Variants in TF observed in about 807,000 individuals in gnomAD.
TF encodes the protein transferrin.
Under a neutral mutation model 82.4 loss-of-function variants are expected in TF, and 55 were observed. The ratio of observed to expected loss-of-function variants is 0.67; its 90% confidence interval spans 0.54 to 0.84. The LOEUF (loss-of-function observed/expected upper bound fraction) is 0.84, where lower values mean the gene tolerates loss of function less well. Ranked by LOEUF, TF falls within the 40% of genes least tolerant of loss-of-function variation. The pLI, the probability that TF is intolerant of heterozygous loss-of-function variation, is 0.00. For synonymous variants in TF, 332 were observed against 332.6 expected (o/e 1.00, Z 0.02); for missense variants, 737 against 868.4 (o/e 0.85, Z 1.90).
the TF span, among the ~76,000 whole-genome samples, chr3:133,732,393 C>A: frequency 6.6e-6 from 1 of 152,154 alleles, no homozygotes; most frequent in East Asian, 1.9e-4. Flanking sequence ...CTCTGTAAAA[C>A]GGACCAATCA....
At chr3:133,695,471 C>G in the TF span, among the ~76,000 whole-genome samples, 1 of 152,106 alleles carries the variant, frequency 6.6e-6, no homozygotes, top group African/African-American at 2.4e-5. Context: ...TGGTCTTGAT[C>G]TCTTGACCTC....
chr3:133,688,841 G>A, the TF span, among the ~76,000 whole-genome samples: 14 of 152,028 alleles, frequency 9.2e-5, no homozygotes, highest in Non-Finnish European at 2.1e-4. Context: ...CAAGAGAAAT[G>A]TTGCTATAAT....
At chr3:133,682,841 C>T in the TF span, among the ~76,000 whole-genome samples, 1 of 152,122 alleles carries the variant, frequency 6.6e-6, no homozygotes, top group Admixed American at 6.5e-5. Flanking sequence ...CATTCAAATT[C>T]AGGAAATACA....
the TF span, among the ~76,000 whole-genome samples, chr3:133,675,289 G>A: frequency 4.0e-4 from 58 of 145,260 alleles, no homozygotes; most frequent in African/African-American, 1.4e-3. Context: ...AATCAAAAGA[G>A]CAATATATGT....
rs1186630412 is a variant in TF at position 133,790,035 on chromosome 3, G to A, written c.*11415G>A. On this transcript the variant is annotated 3_prime_UTR_variant, in exon 17 of 17. Coordinates refer to ENST00000402696, the MANE Select transcript of TF (RefSeq NM_001063.4). ...TGGCTATTCAAAATGTGGTTAACAG[G>A]GAAATAACTGACTTTAAAAGATAGT... The A allele has an allele frequency of 6.6e-6, 1 of 151,848 alleles. No homozygotes were observed. Among genetic ancestry groups the A allele is most frequent in the East Asian group, 1.9e-4 (1 of 5,190 alleles). 9.4% of individuals were successfully genotyped at this position (151,848 alleles called of 1,614,324 possible). A position where few individuals can be genotyped will look rare whatever the true frequency, so the allele number is the denominator to read the frequency against.
At chr3:133,762,400 G>T (rs1185822372) in intron 9 of TF, 2 of 152,536 alleles carry the variant, frequency 1.3e-5, no homozygotes, top group African/African-American at 4.8e-5. Flanking sequence ...CGCTTTCTTG[G>T]GTTATACCTA....
the TF span, among the ~76,000 whole-genome samples, chr3:133,731,822 AC>A: frequency 2.0e-5 from 3 of 152,248 alleles, no homozygotes; most frequent in African/African-American, 7.2e-5. Flanking sequence ...CAGTGGTCTA[AC>A]ATCCAAACCC....
chr3:133,731,195 C>T, the TF span, among the ~76,000 whole-genome samples: 58,373 of 151,824 alleles, frequency 0.38, 11,779 homozygotes, highest in South Asian at 0.5. Flanking sequence ...GCCCTAGGAG[C>T]ACTGGACTCT....
At chr3:133,753,834 G>A (rs1933743754) in intron 3 of TF, 131 bp downstream of exon 3, 5 of 804,704 alleles carry the variant, frequency 6.2e-6, no homozygotes, top group Middle Eastern at 2.6e-4. Flanking sequence ...TAGAGAATGA[G>A]GGGCCCTGTC....
the TF span, among the ~76,000 whole-genome samples, chr3:133,692,320 C>A: frequency 6.6e-6 from 1 of 152,236 alleles, no homozygotes; most frequent in Non-Finnish European, 1.5e-5. Flanking sequence ...GTGAGCACAG[C>A]TGGCCTCAGT....
In TF at chr3:133,768,151, A is replaced by G. The variant is rs756209771; in HGVS notation, c.1609A>G (p.Thr537Ala). 6.2e-7 allele frequency: 1 copy of G among 1,614,272 alleles called. No homozygotes were observed. The highest frequency in any genetic ancestry group is 1.1e-5 in the South Asian group (1 of 91,086). ...CAACAAAGAGGGATACTACGGCTAC[A>G]CAGGCGCTTTCAGGTGAGTCTTTTA... The part of the protein sequence containing the change: ...PNNKEGYYGY[T>A]GAFRCLVEKG... Residue 537 changes from threonine (T) to alanine (A), a missense_variant, in exon 13 of 17, where the codon ACA becomes GCA. By Grantham distance (58) the Thr-to-Ala change is moderately conservative (BLOSUM62 0). Coordinates refer to ENST00000402696, the MANE Select transcript of TF (RefSeq NM_001063.4).
chr3:133,766,091 A>G (rs1934119112), intron 11 of TF, among the ~76,000 whole-genome samples, 187 bp from the exon 12 acceptor site: 1 of 152,172 alleles, frequency 6.6e-6, no homozygotes, highest in Non-Finnish European at 1.5e-5. Flanking sequence ...TTTGTTTTTA[A>G]AGTTCAGATT....
At chr3:133,674,606 G>C in the TF span, among the ~76,000 whole-genome samples, 2 of 152,184 alleles carry the variant, frequency 1.3e-5, no homozygotes, top group Non-Finnish European at 2.9e-5. Flanking sequence ...CGGAGAATGA[G>C]GCTCGCTATC....
At chr3:133,743,029 CCT>C (rs1933422980), upstream of TF, among the ~76,000 whole-genome samples, 1 of 152,128 alleles carries the variant, frequency 6.6e-6, no homozygotes, top group Non-Finnish European at 1.5e-5. Flanking sequence ...CACCTCCCTC[CCT>C]CTCTTTCCTC....
chr3:133,692,738 T>C, the TF span: 3 of 152,286 alleles, frequency 2.0e-5, no homozygotes, highest in African/African-American at 7.2e-5. Context: ...ATATGGCATC[T>C]TCCTTTGGCC....
At chr3:133,677,516 G>A in the TF span, among the ~76,000 whole-genome samples, 151,226 of 152,084 alleles carry the variant, frequency 0.99, 75,192 homozygotes, top group East Asian at 1. Flanking sequence ...GGGCGCCTGC[G>A]ATCCCAGCTA....
the TF span, among the ~76,000 whole-genome samples, chr3:133,673,552 C>T: frequency 5.3e-5 from 8 of 152,278 alleles, no homozygotes; most frequent in South Asian, 4.1e-4. Flanking sequence ...CTATAAACAA[C>T]ATAGGTGAAT....
chr3:133,756,787 C>T lies in TF; in HGVS notation c.692-44C>T, dbSNP rs368866831. ...AATTTCAAGGATGGGCACCACAGCC[C>T]ATGGCTCTCCTGTGTTAAGCTCACC... is the stretch of plus-strand genomic sequence containing the variant. On this transcript the variant is annotated intron_variant, in intron 6 of 16. Coordinates refer to ENST00000402696, the MANE Select transcript of TF (RefSeq NM_001063.4). 15 of 1,612,126 alleles carry T rather than the reference C, an allele frequency of 9.3e-6. No individual in the cohort carries two copies. The African/African-American group carries it at 1.6e-4, about 17-fold the overall frequency.
chr3:133,676,620 T>C, the TF span, among the ~76,000 whole-genome samples: 2 of 152,132 alleles, frequency 1.3e-5, no homozygotes, highest in Admixed American at 1.3e-4. Flanking sequence ...GATGCTGTGG[T>C]GGCCCCTCCC....
Sources: gnomAD v4.1 joint callset for allele counts (sites outside exome capture counted in the v4.1 genomes callset) on GRCh38, gnomAD v4.1.1 for gene constraint, MANE v1.5 for transcripts, NCBI Gene and HGNC (gene_info 2026-07-23, HGNC 2026-07-21) for gene names.